POLR1E: variants seen among roughly 807,000 people sequenced by gnomAD.
POLR1E encodes RNA polymerase I subunit E.
Under a neutral mutation model 50.9 loss-of-function variants are expected in POLR1E, and 37 were observed. The observed-to-expected ratio is 0.73, with a 90% confidence interval of 0.56 to 0.96. The LOEUF is 0.96. Ranked by LOEUF, POLR1E falls within the 40% of genes least tolerant of loss-of-function variation. POLR1E has a pLI of 0.00. For missense variants in POLR1E, 426 were observed against 518.1 expected, an observed-to-expected ratio of 0.82 and a Z score of 1.73; for synonymous variants, 166 against 191.6, an observed-to-expected ratio of 0.87 and a Z score of 1.10.
In POLR1E at chr9:37,501,925, A is replaced by G; in HGVS notation, c.1100+81A>G. 2.8e-6 allele frequency: 4 copies of G among 1,426,530 alleles called. No individual in the cohort carries two copies. The Admixed American group carries it at 7.1e-5, about 25-fold the overall frequency. 88.4% of individuals were successfully genotyped at this position (1,426,530 alleles called of 1,614,324 possible). A position where few individuals can be genotyped will look rare whatever the true frequency, so the allele number is the denominator to read the frequency against. ...GTACCACTGGAAAGCATGAGGCACCACCAAGGGAACTGAGGATGTTTAAAT... is the reference window on the plus strand; with the variant it reads ...GTACCACTGGAAAGCATGAGGCACCGCCAAGGGAACTGAGGATGTTTAAAT... On this transcript the variant is annotated intron_variant, in intron 11 of 11. Transcript: ENST00000377798.
At chr9:37,489,612 C>T (rs545029283) in intron 4 of POLR1E, among the ~76,000 whole-genome samples, 2 of 152,110 alleles carry the variant, frequency 1.3e-5, no homozygotes, top group East Asian at 3.9e-4. Context: ...CCCACTCTGT[C>T]ACCCAGGCTA....
In POLR1E at chr9:37,487,868, T is replaced by A. The variant is rs1276358671; in HGVS notation, c.186T>A (p.Ala62=). The A allele has an allele frequency of 6.2e-7, 1 of 1,614,190 alleles. No individual in the cohort carries two copies. The highest frequency in any genetic ancestry group is 1.3e-5 in the African/African-American group (1 of 75,064). The change falls in exon 3 of 12, where the codon GCT becomes GCA. Residue 62 remains alanine (A), a synonymous_variant. Transcript: ENST00000377798. Reference sequence around the variant, plus strand: ...TTCCCCTCTCTGCATTTTAGGCAGCTGAAACAGATAGGCTCTCCTATGTGG... The same window carrying A: ...TTCCCCTCTCTGCATTTTAGGCAGCAGAAACAGATAGGCTCTCCTATGTGG... ...PRKRNQRILA[A]ETDRLSYVGN...
rs116534207 is a variant in POLR1E, at chr9:37,503,300, G to C, written c.*98G>C. On this transcript the variant is annotated 3_prime_UTR_variant, in exon 12 of 12. Transcript: ENST00000377798. Reference sequence around the variant, plus strand: ...TGTATGTTTTGAAAAGAAAAGGTCCGGGGATGGTGGCTCACACCTGAAATC... The same window carrying C: ...TGTATGTTTTGAAAAGAAAAGGTCCCGGGATGGTGGCTCACACCTGAAATC... 1 of 1,405,014 alleles carries C rather than the reference G, an allele frequency of 7.1e-7. No individual in the cohort carries two copies. The highest frequency in any genetic ancestry group is 1.4e-5 in the African/African-American group (1 of 69,400). 87.0% of individuals were successfully genotyped at this position (1,405,014 alleles called of 1,614,324 possible). A position where few individuals can be genotyped will look rare whatever the true frequency, so the allele number is the denominator to read the frequency against.
chr9:37,491,749 C>T (rs980686408), intron 4 of POLR1E, among the ~76,000 whole-genome samples: 1 of 152,118 alleles, frequency 6.6e-6, no homozygotes, highest in African/African-American at 2.4e-5. Flanking sequence ...CAGGTGTGAG[C>T]CACCGTGCCT....
chr9:37,502,896 C>G (rs1820914734), intron 11 of POLR1E, 147 bp from the exon 12 acceptor site: 1 of 815,828 alleles, frequency 1.2e-6, no homozygotes, highest in Non-Finnish European at 1.9e-6. Flanking sequence ...TTGCCTGCCT[C>G]TCTGCCAGGG....
chr9:37,496,326 GCTGGCCAAAGTGATGGTTTCT>G (rs1398459740), intron 8 of POLR1E, among the ~76,000 whole-genome samples: 2 of 152,146 alleles, frequency 1.3e-5, no homozygotes, highest in African/African-American at 4.8e-5. Context: ...GGGAATGGGT[GCTGGCCAAAGTGATGGTTTCT>G]CTGTGATGAT....
At position 37,495,203 on chromosome 9, in the gene POLR1E, A is replaced by G. The variant is rs768686187; in HGVS notation, c.582A>G (p.Gln194=). 6.2e-6 allele frequency: 10 copies of G among 1,614,096 alleles called. No individual in the cohort carries two copies. Among genetic ancestry groups the G allele is most frequent in the Middle Eastern group, 1.6e-4 (1 of 6,084 alleles). Residue 194 remains glutamine, a synonymous_variant, in exon 7 of 12, where the codon CAA becomes CAG. Coordinates refer to ENST00000377798, the MANE Select transcript of POLR1E (RefSeq NM_022490.4). ...LVSDAIHNDL[Q]DDSLYLPPCY... ...GCGATGCTATCCACAATGACTTGCA[A>G]GATGACTCCCTCTACCTTCCTCCCT...
chr9:37,487,930 CTT>C lies in POLR1E; in HGVS notation c.250_251del (p.Leu84ValfsTer19). 1 of 1,614,074 alleles carries C rather than the reference CTT, an allele frequency of 6.2e-7. No homozygotes were observed. Among genetic ancestry groups the C allele is most frequent in the South Asian group, 1.1e-5 (1 of 91,080 alleles). ...GGGACTGGAGCCCTCAAATGCAACA[CTT>C]TGTGCAGGTAATGGCAGGGGAAGGG... On this transcript the variant is annotated frameshift_variant, in exon 3 of 12. Coordinates refer to ENST00000377798, the MANE Select transcript of POLR1E (RefSeq NM_022490.4). LOFTEE classifies it high-confidence loss of function.
At chr9:37,498,871 T>G (rs559520371) in intron 9 of POLR1E, among the ~76,000 whole-genome samples, 1 of 152,214 alleles carries the variant, frequency 6.6e-6, no homozygotes, top group African/African-American at 2.4e-5. Context: ...TAGTCATGTG[T>G]CGCTTAATGA....
chr9:37,496,740 C>T lies in POLR1E; in HGVS notation c.752+754C>T, dbSNP rs113027068. ...GGCAGGTGCAGGAACGAACTCTGAG[C>T]GGGGAGTCTGAAAACTGAGTCCCCG... On this transcript the variant is annotated intron_variant, in intron 8 of 11. Transcript: ENST00000377798. Among the ~76,000 whole-genome samples the T allele has an allele frequency of 4.5e-3, 680 of 150,172 alleles. 6 individuals are homozygous for T. Among genetic ancestry groups the T allele is most frequent in the African/African-American group, 0.015 (628 of 40,634 alleles).
chr9:37,501,878 G>A, intron 11 of POLR1E, 34 bp downstream of exon 11: 1 of 1,592,402 alleles, frequency 6.3e-7, no homozygotes, highest in East Asian at 2.2e-5. Context: ...TCCCTGCAGG[G>A]TGTCTCGATG....
chr9:37,498,272 TTGTC>T, intron 9 of POLR1E, 48 bp downstream of exon 9: 2 of 1,562,234 alleles, frequency 1.3e-6, no homozygotes, highest in African/African-American at 2.7e-5. Flanking sequence ...AGTATATTAT[TTGTC>T]TGTAATTCTT....
Position 37,503,097 on chromosome 9 carries a change from T to C in POLR1E, c.1155T>C (p.Ser385=). The C allele has an allele frequency of 6.2e-7, 1 of 1,614,056 alleles. No individual in the cohort carries two copies. Among genetic ancestry groups the C allele is most frequent in the Non-Finnish European group, 8.5e-7 (1 of 1,179,996 alleles). Residue 385 remains serine, a synonymous_variant, in exon 12 of 12, where the codon TCT becomes TCC. Coordinates refer to ENST00000377798, the MANE Select transcript of POLR1E (RefSeq NM_022490.4). ...MRLKISKRRV[S]VAAGSEEDHK... is the part of the protein sequence containing the mutation. ...TGAAGATCTCCAAAAGAAGGGTGTC[T>C]GTGGCCGCCGGCAGTGAAGAAGATC... is the stretch of plus-strand genomic sequence containing the variant.
chr9:37,493,375 T>C (rs1000678972), intron 5 of POLR1E, among the ~76,000 whole-genome samples, 184 bp from the exon 6 acceptor site: 3 of 152,212 alleles, frequency 2.0e-5, no homozygotes, highest in Admixed American at 2.0e-4. Context: ...TGTTGATTGA[T>C]CAATCTGTTA....
chr9:37,493,469 G>C, intron 5 of POLR1E, 90 bp from the exon 6 acceptor site: 2 of 1,205,376 alleles, frequency 1.7e-6, no homozygotes, highest in Non-Finnish European at 2.3e-6. Context: ...GATCACTCTG[G>C]GATGCTGAGA....
rs1237099022 is a variant in POLR1E at position 37,498,093 on chromosome 9, A to G, written c.755A>G (p.His252Arg). The change falls in exon 9 of 12, where the codon CAT becomes CGT. Residue 252 changes from histidine to arginine, a missense_variant and splice_region_variant. Transcript: ENST00000377798. ...EILKMIEENS[H>R]CTFVIEALKS... ...TCCTTTTCTTTTCCTTGTTTTAGCC[A>G]TTGCACCTTTGTCATAGAAGCGTTG... is the stretch of plus-strand genomic sequence containing the variant. 4 of 1,613,418 alleles carry G rather than the reference A, an allele frequency of 2.5e-6. No individual in the cohort carries two copies. Among genetic ancestry groups the G allele is most frequent in the East Asian group, 2.2e-5 (1 of 44,872 alleles).
intron 4 of POLR1E, chr9:37,490,762 T>G (rs1398105841): frequency 1.5e-6 from 1 of 645,774 alleles, no homozygotes; most frequent in Non-Finnish European, 2.9e-6. Context: ...CAGTACCCAT[T>G]CCCTTGATGT....
rs564527765 is a variant in POLR1E at position 37,487,955 on chromosome 9, G to A, written c.257+16G>A. On this transcript the variant is annotated intron_variant, in intron 3 of 11. Coordinates refer to ENST00000377798, the MANE Select transcript of POLR1E (RefSeq NM_022490.4). ...CTTTGTGCAGGTAATGGCAGGGGAA[G>A]GGACAGTGGGAAGGGTGATGGGGTT... 3 of 1,613,072 alleles carry A rather than the reference G, an allele frequency of 1.9e-6. No homozygotes were observed. Among genetic ancestry groups the A allele is most frequent in the African/African-American group, 2.7e-5 (2 of 75,010 alleles).
At chr9:37,498,547 T>C (rs747954839) in intron 9 of POLR1E, among the ~76,000 whole-genome samples, 1 of 152,240 alleles carries the variant, frequency 6.6e-6, no homozygotes, top group Non-Finnish European at 1.5e-5. Flanking sequence ...AGGAAAACTT[T>C]AAGGGACTGT....
Sources: gnomAD v4.1 joint callset for allele counts (sites outside exome capture counted in the v4.1 genomes callset) on GRCh38, gnomAD v4.1.1 for gene constraint, MANE v1.5 for transcripts, NCBI Gene and HGNC (gene_info 2026-07-23, HGNC 2026-07-21) for gene names.